Variants in MYT1L observed in about 807,000 individuals in gnomAD.
MYT1L encodes myelin transcription factor 1 like.
A neutral mutation model predicts 126.7 loss-of-function variants in MYT1L; 12 were observed. The ratio of observed to expected loss-of-function variants is 0.09; its 90% CI spans 0.06 to 0.15. MYT1L has a LOEUF of 0.15. Ranked by LOEUF, MYT1L falls within the 10% of genes least tolerant of loss-of-function variation. The probability of loss-of-function intolerance (pLI) is 1.00; values close to 1 mark genes in which losing one functional copy is unlikely to be tolerated. For missense variants in MYT1L, 979 were observed against 1,585.2 expected (o/e 0.62, Z 6.49); for synonymous variants, 541 against 604.2 (o/e 0.90, Z 1.53).
chr2:2,170,609 C>A (rs1267079758), intron 3 of MYT1L, among the ~76,000 whole-genome samples: 5 of 152,244 alleles, frequency 3.3e-5, no homozygotes, highest in Non-Finnish European at 7.3e-5. Context: ...ATTAACATAG[C>A]AATGTATTCC....
In MYT1L at chr2:2,122,837, ATGTGTG is replaced by A. The variant is rs200951880; in HGVS notation, c.-304+50029_-304+50034del. On this transcript the variant is annotated intron_variant, in intron 3 of 24. Transcript: ENST00000647738. ...TGTGGAACTGGGAGGGAGGATAGGA[ATGTGTG>A]TGTGTGTGTGTGTGTGTGTGTGTGT... Among the ~76,000 whole-genome samples, 531 of 135,586 alleles carry A rather than the reference ATGTGTG, an allele frequency of 3.9e-3. 4 individuals carry two copies. The highest frequency in any genetic ancestry group is 0.014 in the African/African-American group (475 of 34,738). The allele number at this position is 135,586 out of a possible 152,430, so 88.9% of individuals were successfully genotyped here.
chr2:1,793,703 C>T lies in MYT1L; in HGVS notation c.3277-1239G>A, dbSNP rs1204426858. Reference sequence around the variant, plus strand: ...TCCTTGGAAGGAATCGCAGCCCCCACCATTCCTGCAGGGACGGTCCCCTGT... The same window carrying T: ...TCCTTGGAAGGAATCGCAGCCCCCATCATTCCTGCAGGGACGGTCCCCTGT... On this transcript the variant is annotated intron_variant, in intron 23 of 24. Coordinates refer to ENST00000647738, the MANE Select transcript of MYT1L (RefSeq NM_001303052.2). The surrounding 1 kb of genome is among the most constrained non-coding windows in gnomAD (Gnocchi z 4.6). Among the ~76,000 whole-genome samples the T allele has an allele frequency of 6.6e-6, 1 of 152,202 alleles. No individual in the cohort carries two copies. Among genetic ancestry groups the T allele is most frequent in the Non-Finnish European group, 1.5e-5 (1 of 68,030 alleles).
intron 4 of MYT1L, among the ~76,000 whole-genome samples, chr2:2,041,711 C>T (rs755494743): frequency 6.6e-6 from 1 of 152,084 alleles, no homozygotes; most frequent in Admixed American, 6.6e-5. Context: ...ATGGATTTTC[C>T]GGAAAGAAGG....
At chr2:1,942,390 G>A (rs1403613226) in intron 9 of MYT1L, among the ~76,000 whole-genome samples, 3 of 152,168 alleles carry the variant, frequency 2.0e-5, no homozygotes, top group Non-Finnish European at 4.4e-5. Context: ...GGAAACCCCA[G>A]ATCAGAAACA....
intron 2 of MYT1L, among the ~76,000 whole-genome samples, chr2:2,248,741 A>G (rs534289755): frequency 3.2e-4 from 49 of 152,264 alleles, no homozygotes; most frequent in African/African-American, 1.1e-3. Context: ...TCAGTGTCAT[A>G]CACAATATCC....
At chr2:2,275,642 C>T (rs191450414) in intron 2 of MYT1L, among the ~76,000 whole-genome samples, 94 of 152,314 alleles carry the variant, frequency 6.2e-4, no homozygotes, top group Middle Eastern at 3.4e-3. Context: ...GAGGTCTTCT[C>T]TACCTCGTCC....
chr2:2,241,472 A>G (rs1311107619), intron 2 of MYT1L, among the ~76,000 whole-genome samples: 1 of 152,208 alleles, frequency 6.6e-6, no homozygotes. Flanking sequence ...CTGCTTTATG[A>G]GGCCAGGAAC....
Position 2,191,325 on chromosome 2 carries a change from G to A in MYT1L, c.-420-18337C>T, listed in dbSNP as rs142089172. Among the ~76,000 whole-genome samples, 197 of 152,308 alleles carry A rather than the reference G, an allele frequency of 1.3e-3. 2 individuals carry two copies. Among genetic ancestry groups the A allele is most frequent in the African/African-American group, 4.5e-3 (185 of 41,566 alleles). ...GAGGATAACACTGGCAGGTCAGATTGGAGTTTTGCAAGTAAATACCATCTG... is the reference window on the plus strand; with the variant it reads ...GAGGATAACACTGGCAGGTCAGATTAGAGTTTTGCAAGTAAATACCATCTG... On this transcript the variant is annotated intron_variant, in intron 2 of 24. Transcript: ENST00000647738.
intron 13 of MYT1L, among the ~76,000 whole-genome samples, chr2:1,907,881 C>A (rs1169341036): frequency 6.6e-6 from 1 of 152,248 alleles, no homozygotes; most frequent in African/African-American, 2.4e-5. Context: ...CCAGGTAAGC[C>A]CCATGGAGGC....
intron 8 of MYT1L, among the ~76,000 whole-genome samples, chr2:1,956,577 TA>T (rs750133910): frequency 0.031 from 3,193 of 101,518 alleles, 174 homozygotes; most frequent in African/African-American, 0.077. Context: ...TTTCCTATTC[TA>T]TCTATCTATC....
At chr2:2,295,685 CAGAGAGAGAGAGAGAG>C (rs201138507) in intron 1 of MYT1L, among the ~76,000 whole-genome samples, 3 of 18,544 alleles carry the variant, frequency 1.6e-4, no homozygotes, top group African/African-American at 2.1e-4. Flanking sequence ...GAGAGACAGA[CAGAGAGAGAGAGAGAG>C]AGACAGACAG....
intron 21 of MYT1L, chr2:1,816,167 T>C (rs552865991): frequency 6.6e-6 from 1 of 152,616 alleles, no homozygotes; most frequent in South Asian, 2.1e-4. Context: ...AACAGAAATT[T>C]TGATGGCTTA....
intron 4 of MYT1L, among the ~76,000 whole-genome samples, chr2:2,004,620 T>C (rs2062950721): frequency 6.7e-6 from 1 of 150,170 alleles, no homozygotes; most frequent in Admixed American, 6.6e-5. Context: ...CATTCTTTCC[T>C]GTGTGCCTTC....
intron 2 of MYT1L, among the ~76,000 whole-genome samples, chr2:2,202,163 A>G (rs1348358318): frequency 6.6e-6 from 1 of 152,084 alleles, no homozygotes; most frequent in Non-Finnish European, 1.5e-5. Flanking sequence ...CCCACAAGAG[A>G]AAGCAGGAAA....
At chr2:1,865,519 C>T (rs913263428) in intron 18 of MYT1L, among the ~76,000 whole-genome samples, 4 of 152,296 alleles carry the variant, frequency 2.6e-5, no homozygotes, top group South Asian at 4.1e-4. Context: ...CCATCCGCAT[C>T]GTTAGGATCC....
At chr2:1,837,208 G>T (rs9751669) in intron 21 of MYT1L, among the ~76,000 whole-genome samples, 6,097 of 152,248 alleles carry the variant, frequency 0.04, 409 homozygotes, top group African/African-American at 0.14. Context: ...CTGGCACCTG[G>T]TATTTGCTGC....
At chr2:2,004,287 A>AGGCGTTCTTTCC (rs2062842345) in intron 4 of MYT1L, among the ~76,000 whole-genome samples, 6 of 123,872 alleles carry the variant, frequency 4.8e-5, no homozygotes, top group Non-Finnish European at 6.8e-5. Flanking sequence ...TCTTTCCTGC[A>AGGCGTTCTTTCC]TGCGTTCTTT....
At chr2:1,856,447 T>G (rs932883237) in intron 18 of MYT1L, among the ~76,000 whole-genome samples, 1 of 152,208 alleles carries the variant, frequency 6.6e-6, no homozygotes, top group Non-Finnish European at 1.5e-5. Context: ...TTGTTTTCCA[T>G]TGGTGCACAT....
At chr2:1,936,166 G>A (rs186229520) in intron 9 of MYT1L, among the ~76,000 whole-genome samples, 91 of 152,068 alleles carry the variant, frequency 6.0e-4, no homozygotes, top group Middle Eastern at 3.4e-3. Flanking sequence ...CAGGTGATCT[G>A]TCCCCCTCAG....
Sources: gnomAD v4.1 joint callset for allele counts (sites outside exome capture counted in the v4.1 genomes callset) on GRCh38, gnomAD v4.1.1 for gene constraint, Gnocchi (gnomAD v3.1) non-coding constraint, MANE v1.5 for transcripts, NCBI Gene and HGNC (gene_info 2026-07-23, HGNC 2026-07-21) for gene names.